Variants in BRD4 observed in about 807,000 individuals in gnomAD.
BRD4 encodes the protein bromodomain-containing protein 4.
A neutral mutation model predicts 142.1 loss-of-function variants in BRD4; 16 were observed. The ratio of observed to expected loss-of-function variants is 0.11; its 90% CI spans 0.08 to 0.17. The LOEUF (loss-of-function observed/expected upper bound fraction) is 0.17. BRD4 is among the 10% of genes least tolerant of loss of function. BRD4 has a pLI of 1.00. For missense variants in BRD4, 1,424 were observed against 1,810.9 expected (o/e 0.79, Z 3.88); for synonymous variants, 833 against 707.5 (o/e 1.18, Z -2.82).
intron 7 of BRD4, among the ~76,000 whole-genome samples, chr19:15,259,329 C>T (rs2047445144): frequency 6.6e-6 from 1 of 152,194 alleles, no homozygotes; most frequent in Admixed American, 6.5e-5. Flanking sequence ...GCGAACTGGT[C>T]TGTAAGCCTG....
chr19:15,267,857 G>A (rs1418092006), intron 3 of BRD4, among the ~76,000 whole-genome samples: 1 of 152,148 alleles, frequency 6.6e-6, no homozygotes, highest in East Asian at 1.9e-4. Flanking sequence ...ATCACTGAAA[G>A]GGGCCCTCCT....
intron 1 of BRD4, among the ~76,000 whole-genome samples, chr19:15,308,739 G>C (rs563738748): frequency 6.6e-6 from 1 of 152,210 alleles, no homozygotes; most frequent in East Asian, 1.9e-4. Context: ...ATCTGGGCTG[G>C]GCGCGGTGGC....
chr19:15,323,614 A>G lies in BRD4; in HGVS notation c.-35+8676T>C, dbSNP rs538455009. On this transcript the variant is annotated intron_variant, in intron 1 of 19. Transcript: ENST00000679869. ...TGCCTGAGAAGGAACAACTGCAGAC[A>G]TTAGCAACACACAAGGACACGAGAA... Among the ~76,000 whole-genome samples the G allele has an allele frequency of 3.3e-5, 5 of 152,350 alleles. No individual in the cohort carries two copies. In the South Asian group the frequency reaches 8.3e-4, roughly 25 times the overall value.
At chr19:15,253,292 C>T in intron 11 of BRD4, 1 of 550,216 alleles carries the variant, frequency 1.8e-6, no homozygotes, top group South Asian at 2.3e-5. Context: ...CTAGCCTCTC[C>T]CCTGCGCCAG....
chr19:15,271,856 C>T (rs2047590818), intron 2 of BRD4, among the ~76,000 whole-genome samples: 1 of 149,898 alleles, frequency 6.7e-6, no homozygotes, highest in East Asian at 1.9e-4. Flanking sequence ...CTTACAGACA[C>T]AATGACTTTA....
At chr19:15,319,260 A>C (rs1039860808) in intron 1 of BRD4, among the ~76,000 whole-genome samples, 2 of 152,182 alleles carry the variant, frequency 1.3e-5, no homozygotes, top group African/African-American at 4.8e-5. Context: ...ACTTGAGCCC[A>C]GGAGTTGCAG....
At chr19:15,246,262 A>C (rs2047285165) in intron 11 of BRD4, among the ~76,000 whole-genome samples, 2 of 152,116 alleles carry the variant, frequency 1.3e-5, no homozygotes, top group Admixed American at 6.5e-5. Context: ...GGCAACAGGG[A>C]GTCTGACTGC....
intron 11 of BRD4, among the ~76,000 whole-genome samples, chr19:15,249,512 TG>T (rs2047322053): frequency 1.3e-5 from 2 of 152,284 alleles, no homozygotes; most frequent in South Asian, 4.1e-4. Flanking sequence ...GCAGAATGCA[TG>T]GATGCCTTGG....
At chr19:15,254,559 A>G (rs1216744161) in intron 10 of BRD4, among the ~76,000 whole-genome samples, 1 of 152,168 alleles carries the variant, frequency 6.6e-6, no homozygotes, top group Non-Finnish European at 1.5e-5. Flanking sequence ...TCCTAACACA[A>G]GGTACCGCTG....
intron 1 of BRD4, among the ~76,000 whole-genome samples, chr19:15,300,422 G>A (rs973736359): frequency 3.3e-5 from 5 of 151,702 alleles, no homozygotes; most frequent in African/African-American, 9.7e-5. Flanking sequence ...AGGTGTGGCG[G>A]TGGGTGCCTG....
intron 2 of BRD4, among the ~76,000 whole-genome samples, chr19:15,269,863 T>TCTAAACCTATTCTAAAA: frequency 6.6e-6 from 1 of 152,348 alleles, no homozygotes; most frequent in Non-Finnish European, 1.5e-5. Flanking sequence ...CTTCTCTAAA[T>TCTAAACCTATTCTAAAA]CTAAACCTAT....
At position 15,316,702 on chromosome 19, in the gene BRD4, T is replaced by G. The variant is rs745796676; in HGVS notation, c.-35+15588A>C. Reference sequence around the variant, plus strand: ...AGGTTAAATTCCACTCTTGTGAATGTCTTCATGAGAAACTCCTCAGGAGGG... The same window carrying G: ...AGGTTAAATTCCACTCTTGTGAATGGCTTCATGAGAAACTCCTCAGGAGGG... On this transcript the variant is annotated intron_variant, in intron 1 of 19. Transcript: ENST00000679869. Among the ~76,000 whole-genome samples the G allele has an allele frequency of 3.3e-5, 5 of 152,360 alleles. No homozygotes were observed. The South Asian group carries it at 1.0e-3, about 32-fold the overall frequency.
At chr19:15,322,913 G>A (rs2048076178) in intron 1 of BRD4, among the ~76,000 whole-genome samples, 1 of 149,938 alleles carries the variant, frequency 6.7e-6, no homozygotes, top group South Asian at 2.1e-4. Context: ...AGCCGGGTGT[G>A]GTGGTGGGCG....
chr19:15,257,314 G>A lies in BRD4; in HGVS notation c.1342-141C>T, dbSNP rs1221074832. 3 of 798,696 alleles carry A rather than the reference G, an allele frequency of 3.8e-6. No homozygotes were observed. In the East Asian group the frequency reaches 8.3e-5, roughly 22 times the overall value. The allele number at this position is 798,696 out of a possible 1,614,324, so 49.5% of individuals were successfully genotyped here. A position where few individuals can be genotyped will look rare whatever the true frequency, so the allele number is the denominator to read the frequency against. ...AGGATGGTGATCCTGTCTCTTTGCT[G>A]CCGAGACAGGGGCAAGGGCCAGCCA... On this transcript the variant is annotated intron_variant, in intron 7 of 19. Transcript: ENST00000679869.
rs1299618611 is a variant in BRD4 at position 15,264,451 on chromosome 19, C to T, written c.1165G>A (p.Asp389Asn). 1 of 1,613,586 alleles carries T rather than the reference C, an allele frequency of 6.2e-7. No homozygotes were observed. Among genetic ancestry groups the T allele is most frequent in the African/African-American group, 1.3e-5 (1 of 74,902 alleles). ...GGGTGCTTGATGATGTCACAGTAGT[C>T]GTGTAGGCCCAGTGCCTCCACGTCC... ...PVDVEALGLH[D>N]YCDIIKHPMD... is the part of the protein sequence containing the mutation. Residue 389 changes from aspartate (D) to asparagine (N), a missense_variant, in exon 6 of 20, where the codon GAC becomes AAC. Transcript: ENST00000679869.
chr19:15,279,235 C>T (rs753383184), intron 1 of BRD4, among the ~76,000 whole-genome samples: 1 of 152,184 alleles, frequency 6.6e-6, no homozygotes, highest in African/African-American at 2.4e-5. Flanking sequence ...ACAGAGAACA[C>T]AACTGTAATG....
At chr19:15,278,743 G>A (rs1396016107) in intron 1 of BRD4, among the ~76,000 whole-genome samples, 1 of 151,910 alleles carries the variant, frequency 6.6e-6, no homozygotes, top group Admixed American at 6.6e-5. Context: ...AGACGTTTAA[G>A]GATGTTGTGA....
intron 11 of BRD4, among the ~76,000 whole-genome samples, chr19:15,249,471 G>C (rs1457592864): frequency 6.6e-6 from 1 of 152,174 alleles, no homozygotes; most frequent in Non-Finnish European, 1.5e-5. Context: ...GGTAGGGACA[G>C]ACCCACCGCC....
intron 1 of BRD4, among the ~76,000 whole-genome samples, chr19:15,276,496 A>AGACT (rs1260618177): frequency 6.6e-6 from 1 of 151,884 alleles, no homozygotes; most frequent in African/African-American, 2.4e-5. Flanking sequence ...ATAGGCTCAC[A>AGACT]GACTCTCTCT....
Sources: allele counts gnomAD v4.1 joint callset (sites outside exome capture counted in the v4.1 genomes callset), GRCh38; gene constraint gnomAD v4.1.1; transcripts MANE v1.5; gene names NCBI Gene and HGNC (gene_info 2026-07-23, HGNC 2026-07-21).